The following PRUNE2 variants were observed in gnomAD, a reference collection of about 807,000 sequenced individuals.
PRUNE2 encodes protein prune homolog 2.
A neutral mutation model predicts 252.0 loss-of-function variants in PRUNE2; 164 were observed. That is an observed-to-expected ratio of 0.65 (90% confidence interval 0.57 to 0.74). The LOEUF is 0.74. Ranked by LOEUF, PRUNE2 falls within the 30% of genes least tolerant of loss-of-function variation. PRUNE2 has a pLI of 0.00. For synonymous variants in PRUNE2, 1,292 were observed against 1,350.2 expected, an observed-to-expected ratio of 0.96 and a Z score of 0.94; for missense variants, 3,495 against 3,711.0, an observed-to-expected ratio of 0.94 and a Z score of 1.51.
At chr9:76,888,377 G>C (rs2062235687) in intron 1 of PRUNE2, among the ~76,000 whole-genome samples, 1 of 152,148 alleles carries the variant, frequency 6.6e-6, no homozygotes, top group Non-Finnish European at 1.5e-5. Context: ...AAGAGATCAA[G>C]ACCATCCTGG....
rs552528240 is a variant in PRUNE2 at position 76,879,730 on chromosome 9, T to C, written c.37-25522A>G. Among the ~76,000 whole-genome samples, 208 of 151,414 alleles carry C rather than the reference T, an allele frequency of 1.4e-3. No individual in the cohort carries two copies. In the Middle Eastern group the frequency reaches 0.027, roughly 20 times the overall value. On this transcript the variant is annotated intron_variant, in intron 1 of 18. Transcript: ENST00000376718. ...AGTGCGGGAGGGTTTGTTGCACATT[T>C]GGAAGAGAAGCATTCTCAGCAAAGG...
In PRUNE2 at chr9:76,638,293, G is replaced by A. The variant is rs749596679; in HGVS notation, c.8729-5C>T. On this transcript the variant is annotated splice_polypyrimidine_tract_variant and splice_region_variant and intron_variant, in intron 12 of 18. Transcript: ENST00000376718. The stretch of plus-strand genomic sequence containing the variant: ...TTAGACCGTCCCCATAGTATCCTGG[G>A]GGACAAACAAAAAGACACTTGTAAC... 9.3e-6 allele frequency: 15 copies of A among 1,605,316 alleles called. No homozygotes were observed. Among genetic ancestry groups the A allele is most frequent in the Non-Finnish European group, 1.2e-5 (14 of 1,172,460 alleles).
At chr9:76,640,399 G>A (rs573843533) in intron 12 of PRUNE2, among the ~76,000 whole-genome samples, 1 of 152,166 alleles carries the variant, frequency 6.6e-6, no homozygotes, top group Non-Finnish European at 1.5e-5. Context: ...GGGTTTGTGT[G>A]TATTACTAAT....
intron 4 of PRUNE2, among the ~76,000 whole-genome samples, chr9:76,841,589 C>G (rs757793026): frequency 1.3e-5 from 2 of 152,194 alleles, no homozygotes; most frequent in Non-Finnish European, 2.9e-5. Flanking sequence ...GCTGCCAGCA[C>G]AGCAGTCTGA....
At chr9:76,795,222 G>A (rs1031998235) in intron 6 of PRUNE2, among the ~76,000 whole-genome samples, 1 of 151,594 alleles carries the variant, frequency 6.6e-6, no homozygotes, top group East Asian at 1.9e-4. Context: ...CAGTATCTCG[G>A]GCACACATGT....
At chr9:76,832,752 G>C (rs2058737933) in intron 4 of PRUNE2, among the ~76,000 whole-genome samples, 2 of 151,704 alleles carry the variant, frequency 1.3e-5, no homozygotes, top group African/African-American at 4.8e-5. Context: ...ACAAAACTTG[G>C]ATTTCTGGAA....
Position 76,797,122 on chromosome 9 carries a change from T to C in PRUNE2, c.756+26510A>G, listed in dbSNP as rs1026818480. On this transcript the variant is annotated intron_variant, in intron 6 of 18. Coordinates refer to ENST00000376718, the MANE Select transcript of PRUNE2 (RefSeq NM_015225.3). The stretch of plus-strand genomic sequence containing the variant: ...AGGGTTTACTTTACATTTTGATCAC[T>C]GTGTACTGTTAAAATTTTCTAACTT... Among the ~76,000 whole-genome samples the C allele has an allele frequency of 3.9e-5, 6 of 152,192 alleles. No individual in the cohort carries two copies. The East Asian group carries it at 1.2e-3, about 29-fold the overall frequency.
intron 6 of PRUNE2, among the ~76,000 whole-genome samples, chr9:76,776,892 AT>A (rs1187144423): frequency 4.6e-5 from 4 of 86,504 alleles, no homozygotes; most frequent in African/African-American, 2.9e-4. Flanking sequence ...ACCAAAACAC[AT>A]ACACACACAC....
chr9:76,761,085 C>CAAAAA (rs34127776), intron 6 of PRUNE2, among the ~76,000 whole-genome samples: 23 of 93,536 alleles, frequency 2.5e-4, no homozygotes, highest in Non-Finnish European at 2.8e-4. Context: ...GACTCTGTCT[C>CAAAAA]AAAAAAAAAA....
chr9:76,897,390 CTTTTTTTTTTT>C (rs55702049), intron 1 of PRUNE2, among the ~76,000 whole-genome samples: 1,790 of 56,346 alleles, frequency 0.032, 218 homozygotes, highest in African/African-American at 0.099. Context: ...AGGCAAACCT[CTTTTTTTTTTT>C]TTTTTTTTTT....
chr9:76,776,901 C>CAT (rs1294929081), intron 6 of PRUNE2, among the ~76,000 whole-genome samples: 2 of 71,472 alleles, frequency 2.8e-5, no homozygotes, highest in Non-Finnish European at 5.4e-5. Context: ...CATACACACA[C>CAT]ACACACACAC....
intron 6 of PRUNE2, among the ~76,000 whole-genome samples, chr9:76,720,005 G>A (rs1243247370): frequency 6.6e-6 from 1 of 152,158 alleles, no homozygotes; most frequent in Non-Finnish European, 1.5e-5. Context: ...GGACAAAGCT[G>A]TTAACTGGAT....
chr9:76,732,413 G>A (rs1207955924), intron 6 of PRUNE2, among the ~76,000 whole-genome samples: 1 of 152,236 alleles, frequency 6.6e-6, no homozygotes, highest in African/African-American at 2.4e-5. Flanking sequence ...TAGAACCTCT[G>A]AGAAATCTGC....
At chr9:76,862,922 T>C (rs2060635129) in intron 1 of PRUNE2, 2 of 152,162 alleles carry the variant, frequency 1.3e-5, no homozygotes, top group Admixed American at 1.3e-4. Flanking sequence ...ATGACTTCTG[T>C]TTGCTTTTGT....
chr9:76,630,292 C>T (rs1281697614), intron 15 of PRUNE2, among the ~76,000 whole-genome samples: 3 of 142,806 alleles, frequency 2.1e-5, no homozygotes, highest in South Asian at 4.4e-4. Flanking sequence ...TTAGGTTGAA[C>T]GTTTATTCTG....
At chr9:76,659,642 A>T (rs1315447064) in intron 9 of PRUNE2, among the ~76,000 whole-genome samples, 1 of 152,134 alleles carries the variant, frequency 6.6e-6, no homozygotes, top group Non-Finnish European at 1.5e-5. Flanking sequence ...TGGATTTTGG[A>T]ATATTTGCAT....
chr9:76,616,763 A>G (rs1338693474), intron 18 of PRUNE2, among the ~76,000 whole-genome samples: 1 of 152,222 alleles, frequency 6.6e-6, no homozygotes, highest in Non-Finnish European at 1.5e-5. Context: ...TTGAGAGAAC[A>G]GCAACGTTGT....
chr9:76,786,294 T>G (rs189466980), intron 6 of PRUNE2: 154 of 152,320 alleles, frequency 1.0e-3, no homozygotes, highest in African/African-American at 3.6e-3. Context: ...ATATAAGAAC[T>G]CTGAGTGATA....
Position 76,707,800 on chromosome 9 carries a change from CAA to C in PRUNE2, c.4472_4473del (p.Phe1491TrpfsTer8). The C allele has an allele frequency of 6.2e-7, 1 of 1,613,442 alleles. No homozygotes were observed. Among genetic ancestry groups the C allele is most frequent in the African/African-American group, 1.3e-5 (1 of 75,030 alleles). On this transcript the variant is annotated frameshift_variant, in exon 8 of 19. Coordinates refer to ENST00000376718, the MANE Select transcript of PRUNE2 (RefSeq NM_015225.3). LOFTEE classifies it high-confidence loss of function. ...PPHRVPRSLD[F>X]GDVPIDSDVH... Reference sequence around the variant, plus strand: ...ACATCACTGTCTATAGGGACGTCCCCAAAATCAAGACTTCGGGGAACTCTGTG... The same window carrying C: ...ACATCACTGTCTATAGGGACGTCCCCAATCAAGACTTCGGGGAACTCTGTG...
Sources: allele counts gnomAD v4.1 joint callset (sites outside exome capture counted in the v4.1 genomes callset), GRCh38; gene constraint gnomAD v4.1.1; transcripts MANE v1.5; gene names NCBI Gene and HGNC (gene_info 2026-07-23, HGNC 2026-07-21).